The following ELAPOR2 variants were observed in gnomAD, a reference collection of about 807,000 sequenced individuals.
ELAPOR2 encodes the protein endosome-lysosome associated apoptosis and autophagy regulator family member 2.
Under a neutral mutation model 120.7 loss-of-function variants are expected in ELAPOR2, and 89 were observed. The observed-to-expected ratio is 0.74, with a 90% CI of 0.62 to 0.88. The LOEUF (loss-of-function observed/expected upper bound fraction) is 0.88, where lower values mean the gene tolerates loss of function less well. ELAPOR2 is among the 40% of genes least tolerant of loss of function. ELAPOR2 has a pLI of 0.00. For synonymous variants in ELAPOR2, 444 were observed against 444.9 expected (o/e 1.00, Z 0.03); for missense variants, 1,134 against 1,251.6 (o/e 0.91, Z 1.42).
At chr7:87,001,839 A>G (rs1257482771) in intron 1 of ELAPOR2, among the ~76,000 whole-genome samples, 2 of 152,188 alleles carry the variant, frequency 1.3e-5, no homozygotes, top group Non-Finnish European at 2.9e-5. Context: ...TTTGCAAAGC[A>G]GACTAAATTT....
chr7:86,962,979 C>T (rs1791774206), intron 2 of ELAPOR2, among the ~76,000 whole-genome samples: 1 of 152,092 alleles, frequency 6.6e-6, no homozygotes, highest in African/African-American at 2.4e-5. Context: ...TTGTCTTTAA[C>T]ACAAGAAAAT....
chr7:87,027,777 C>G (rs1316119226), intron 1 of ELAPOR2, among the ~76,000 whole-genome samples: 1 of 152,114 alleles, frequency 6.6e-6, no homozygotes, highest in African/African-American at 2.4e-5. Context: ...TGATTTTGGA[C>G]TTCTAGCTTG....
At chr7:86,964,169 T>TCC (rs1562946749) in intron 2 of ELAPOR2, among the ~76,000 whole-genome samples, 2 of 152,130 alleles carry the variant, frequency 1.3e-5, no homozygotes, top group Non-Finnish European at 2.9e-5. Flanking sequence ...CCAAATACAC[T>TCC]CCCTCTCTTT....
chr7:86,885,518 C>T (rs1186423776), intron 21 of ELAPOR2, among the ~76,000 whole-genome samples: 4 of 152,218 alleles, frequency 2.6e-5, no homozygotes, highest in Admixed American at 1.3e-4. Context: ...CCAAACTACC[C>T]CAACTTCAGC....
chr7:86,911,585 C>T (rs1202369597), intron 15 of ELAPOR2: 1 of 454,218 alleles, frequency 2.2e-6, no homozygotes, highest in South Asian at 1.6e-5. Flanking sequence ...CTTCTTCTCA[C>T]AGCAAATAAA....
intron 10 of ELAPOR2, among the ~76,000 whole-genome samples, chr7:86,922,917 T>C (rs1789892899): frequency 6.6e-6 from 1 of 151,962 alleles, no homozygotes; most frequent in Non-Finnish European, 1.5e-5. Flanking sequence ...TTGAAAGCAA[T>C]GAGTGTCTAT....
intron 12 of ELAPOR2, among the ~76,000 whole-genome samples, chr7:86,915,101 C>A (rs1240757395): frequency 6.6e-6 from 1 of 152,032 alleles, no homozygotes; most frequent in Non-Finnish European, 1.5e-5. Context: ...GGTCTCAAAT[C>A]ATAATATGTT....
chr7:86,981,181 CT>C (rs2116552644), intron 1 of ELAPOR2, among the ~76,000 whole-genome samples: 1 of 152,300 alleles, frequency 6.6e-6, no homozygotes, highest in South Asian at 2.1e-4. Context: ...TGTCGGTTCC[CT>C]TAAATTGGTC....
intron 2 of ELAPOR2, among the ~76,000 whole-genome samples, chr7:86,950,891 A>G (rs969797582): frequency 2.1e-4 from 32 of 152,226 alleles, no homozygotes; most frequent in African/African-American, 7.5e-4. Flanking sequence ...AATATAGTAT[A>G]AGGTGGTTAG....
At chr7:86,988,531 A>G (rs1435308524) in intron 1 of ELAPOR2, among the ~76,000 whole-genome samples, 1 of 152,182 alleles carries the variant, frequency 6.6e-6, no homozygotes, top group Non-Finnish European at 1.5e-5. Flanking sequence ...GTCATTTTAT[A>G]GAAGGGACTT....
At chr7:86,976,001 G>A (rs1792271541) in intron 1 of ELAPOR2, among the ~76,000 whole-genome samples, 1 of 152,152 alleles carries the variant, frequency 6.6e-6, no homozygotes, top group Non-Finnish European at 1.5e-5. Flanking sequence ...TGGAGTACTG[G>A]GAGAGGGGAA....
At chr7:87,048,523 T>C (rs994551869) in intron 1 of ELAPOR2, among the ~76,000 whole-genome samples, 9 of 152,136 alleles carry the variant, frequency 5.9e-5, no homozygotes, top group Admixed American at 5.2e-4. Context: ...GATAATTAAT[T>C]GGTACAAAAA....
intron 1 of ELAPOR2, among the ~76,000 whole-genome samples, chr7:86,994,643 A>G (rs6975542): frequency 0.38 from 57,409 of 151,822 alleles, 11,680 homozygotes; most frequent in African/African-American, 0.53. Flanking sequence ...CAGGGTGGTT[A>G]GTTTCATTGC....
chr7:86,929,028 A>AAAC (rs1351522990), intron 8 of ELAPOR2, among the ~76,000 whole-genome samples: 1 of 151,970 alleles, frequency 6.6e-6, no homozygotes, highest in Non-Finnish European at 1.5e-5. Flanking sequence ...AGTTGAGATA[A>AAAC]AACTATGAAA....
chr7:86,959,805 C>A (rs571701749), intron 2 of ELAPOR2, among the ~76,000 whole-genome samples: 4 of 152,272 alleles, frequency 2.6e-5, no homozygotes, highest in African/African-American at 9.6e-5. Flanking sequence ...AGTTCCTTGA[C>A]TTGTAATGTT....
At chr7:87,042,966 G>T (rs554457526) in intron 1 of ELAPOR2, among the ~76,000 whole-genome samples, 2 of 152,262 alleles carry the variant, frequency 1.3e-5, no homozygotes, top group South Asian at 4.1e-4. Context: ...ACTACCATCA[G>T]TGAATACTAC....
intron 2 of ELAPOR2, among the ~76,000 whole-genome samples, chr7:86,958,900 A>G (rs1047041343): frequency 9.9e-5 from 15 of 152,188 alleles, no homozygotes; most frequent in Non-Finnish European, 1.6e-4. Flanking sequence ...ATTGCATTAA[A>G]TCTGTAGATG....
Position 86,898,559 on chromosome 7 carries a change from C to CAAAAAAAA in ELAPOR2, c.2559-935_2559-928dup, listed in dbSNP as rs11418158. Among the ~76,000 whole-genome samples, 6 of 66,594 alleles carry CAAAAAAAA rather than the reference C, an allele frequency of 9.0e-5. 1 individual carries two copies. Among genetic ancestry groups the CAAAAAAAA allele is most frequent in the Non-Finnish European group, 1.2e-4 (4 of 33,922 alleles). 43.7% of individuals were successfully genotyped at this position (66,594 alleles called of 152,430 possible). A position where few individuals can be genotyped will look rare whatever the true frequency, so the allele number is the denominator to read the frequency against. ...TAATTTAAGAGAGAGACACAATGAC[C>CAAAAAAAA]AAAAAAAAAAAAAAAAAAAAAGGCT... On this transcript the variant is annotated intron_variant, in intron 18 of 21. Transcript: ENST00000450689.
At chr7:87,048,844 G>A (rs6955322) in intron 1 of ELAPOR2, among the ~76,000 whole-genome samples, 30,154 of 152,140 alleles carry the variant, frequency 0.2, 4,501 homozygotes, top group African/African-American at 0.42. Context: ...AGTAATGATC[G>A]TAACAGTTTT....
Sources: allele counts gnomAD v4.1 joint callset (sites outside exome capture counted in the v4.1 genomes callset), GRCh38; gene constraint gnomAD v4.1.1; transcripts MANE v1.5; gene names NCBI Gene and HGNC (gene_info 2026-07-23, HGNC 2026-07-21).